The following PLCH1 variants were observed in gnomAD, a reference collection of about 807,000 sequenced individuals.
PLCH1 encodes phospholipase C eta 1.
PLCH1 carries 60 observed loss-of-function variants against 126.7 expected under a neutral mutation model. The ratio of observed to expected loss-of-function variants is 0.47; its 90% CI spans 0.38 to 0.59. The LOEUF is 0.59. PLCH1 is among the 20% of genes least tolerant of loss of function. The probability of loss-of-function intolerance (pLI) is 0.00; values close to 1 mark genes in which losing one functional copy is unlikely to be tolerated. For missense variants in PLCH1, 1,723 were observed against 2,040.0 expected, an observed-to-expected ratio of 0.84 and a Z score of 2.99; for synonymous variants, 719 against 734.9, an observed-to-expected ratio of 0.98 and a Z score of 0.35.
chr3:155,490,913 T>G (rs1716080149), intron 18 of PLCH1, 45 bp from the exon 19 acceptor site: 6 of 1,027,654 alleles, frequency 5.8e-6, no homozygotes, highest in Non-Finnish European at 9.1e-6. Context: ...CATATTTCTA[T>G]ACATATGTTA....
intron 2 of PLCH1, among the ~76,000 whole-genome samples, chr3:155,645,075 G>T (rs1739865956): frequency 6.6e-6 from 1 of 152,096 alleles, no homozygotes; most frequent in Non-Finnish European, 1.5e-5. Context: ...GGAATATTGA[G>T]GTATTTCCCC....
At chr3:155,536,956 A>G (rs687462) in intron 10 of PLCH1, among the ~76,000 whole-genome samples, 123,835 of 152,030 alleles carry the variant, frequency 0.81, 52,173 homozygotes, top group Middle Eastern at 0.95. Flanking sequence ...AGAAAAACCT[A>G]TAAGATTAAA....
At chr3:155,486,150 T>C (rs1715047655) in intron 21 of PLCH1, 14 of 1,539,044 alleles carry the variant, frequency 9.1e-6, no homozygotes, top group Non-Finnish European at 1.2e-5. Context: ...AAACTACCTT[T>C]GTAGCTCCTA....
At chr3:155,553,314 G>A (rs774471843) in intron 9 of PLCH1, among the ~76,000 whole-genome samples, 13 of 151,776 alleles carry the variant, frequency 8.6e-5, no homozygotes, top group Admixed American at 1.3e-4. Flanking sequence ...ACAGGGCTTC[G>A]CCATGTTGAC....
rs752400094 is a variant in PLCH1, at chr3:155,523,879, G to A, written c.1470+18C>T. 4 of 1,408,960 alleles carry A rather than the reference G, an allele frequency of 2.8e-6. No homozygotes were observed. The highest frequency in any genetic ancestry group is 4.0e-6 in the Non-Finnish European group (4 of 1,003,564). 87.3% of individuals were successfully genotyped at this position (1,408,960 alleles called of 1,614,324 possible). On this transcript the variant is annotated intron_variant, in intron 11 of 22. Coordinates refer to ENST00000460012, the MANE Select transcript of PLCH1 (RefSeq NM_014996.4). ...CAGCATATCAAGGATAAAAAATATG[G>A]TCATGCCTGCAACTTACATAATGGA...
At chr3:155,669,455 G>C (rs1055573636) in intron 2 of PLCH1, among the ~76,000 whole-genome samples, 1 of 152,106 alleles carries the variant, frequency 6.6e-6, no homozygotes. Flanking sequence ...GCATGCACCT[G>C]TAGTCCCAGC....
chr3:155,492,750 G>C lies in PLCH1; in HGVS notation c.2286C>G (p.Ser762=). 6.3e-7 allele frequency: 1 copy of C among 1,590,666 alleles called. No homozygotes were observed. Among genetic ancestry groups the C allele is most frequent in the Non-Finnish European group, 8.5e-7 (1 of 1,170,212 alleles). Residue 762 remains serine (S), a synonymous_variant, in exon 18 of 23, where the codon TCC becomes TCG. Coordinates refer to ENST00000460012, the MANE Select transcript of PLCH1 (RefSeq NM_014996.4). ...TTACCTCGCCTCGATCTCCAAACATGGAGTCTGGAGGTTTGGGGAGTTGCT... is the reference window on the plus strand; with the variant it reads ...TTACCTCGCCTCGATCTCCAAACATCGAGTCTGGAGGTTTGGGGAGTTGCT... ...SGQQLPKPPD[S]MFGDRGEIID...
downstream of PLCH1, among the ~76,000 whole-genome samples, chr3:155,475,694 A>C (rs938977464): frequency 2.0e-5 from 3 of 152,176 alleles, no homozygotes; most frequent in African/African-American, 7.2e-5. Context: ...ACTACATGCC[A>C]ATAAATTGGA....
rs915084215 is a variant in PLCH1, at chr3:155,493,187, A to T, written c.2183-334T>A. On this transcript the variant is annotated intron_variant, in intron 17 of 22. Coordinates refer to ENST00000460012, the MANE Select transcript of PLCH1 (RefSeq NM_014996.4). The stretch of plus-strand genomic sequence containing the variant: ...CCTAAACTATCTCAGGCATGAGTGA[A>T]TATAACAAACAGAAAGAAGACTTGA... Among the ~76,000 whole-genome samples, 4 of 152,368 alleles carry T rather than the reference A, an allele frequency of 2.6e-5. No individual in the cohort carries two copies. The South Asian group carries it at 8.3e-4, about 32-fold the overall frequency.
intron 22 of PLCH1, 108 bp from the exon 23 acceptor site, chr3:155,483,159 C>T: frequency 1.9e-6 from 2 of 1,063,346 alleles, no homozygotes; most frequent in Middle Eastern, 3.2e-4. Flanking sequence ...ATCTGTTACA[C>T]TGTGACAGAA....
At chr3:155,628,549 CTTT>C (rs56820929) in intron 2 of PLCH1, among the ~76,000 whole-genome samples, 25,430 of 143,348 alleles carry the variant, frequency 0.18, 2,566 homozygotes, top group African/African-American at 0.28. Context: ...CTTCACCTCT[CTTT>C]TTTTTTTTTT....
At chr3:155,726,150 A>G (rs1486428247) in intron 1 of PLCH1, among the ~76,000 whole-genome samples, 1 of 152,196 alleles carries the variant, frequency 6.6e-6, no homozygotes, top group East Asian at 1.9e-4. Context: ...TACCTTATAT[A>G]GTCAATACGT....
intron 2 of PLCH1, among the ~76,000 whole-genome samples, chr3:155,634,690 G>A (rs1046300769): frequency 2.0e-5 from 3 of 152,168 alleles, no homozygotes; most frequent in African/African-American, 7.2e-5. Context: ...GGCCCAGGAG[G>A]CATGAGAAAG....
chr3:155,491,306 C>T (rs1458989343), intron 18 of PLCH1, among the ~76,000 whole-genome samples: 1 of 152,150 alleles, frequency 6.6e-6, no homozygotes, highest in Non-Finnish European at 1.5e-5. Context: ...CTCTGTAGCT[C>T]AGGTCGGAGT....
At chr3:155,708,769 C>G (rs973682813) in intron 1 of PLCH1, among the ~76,000 whole-genome samples, 4 of 152,064 alleles carry the variant, frequency 2.6e-5, no homozygotes, top group Non-Finnish European at 4.4e-5. Context: ...AATATTCCAC[C>G]TCCTAAGAGG....
chr3:155,638,756 C>T (rs908203781), intron 2 of PLCH1, among the ~76,000 whole-genome samples: 3 of 152,310 alleles, frequency 2.0e-5, no homozygotes, highest in East Asian at 3.9e-4. Flanking sequence ...TGCAACATTG[C>T]TGTTAGATTT....
intron 1 of PLCH1, among the ~76,000 whole-genome samples, chr3:155,718,431 C>T (rs1261676492): frequency 2.6e-5 from 4 of 152,162 alleles, no homozygotes; most frequent in Non-Finnish European, 5.9e-5. Flanking sequence ...ACTCTCAGAA[C>T]CAATTTTCTG....
At chr3:155,728,248 A>T (rs1450822578) in intron 1 of PLCH1, among the ~76,000 whole-genome samples, 2 of 152,162 alleles carry the variant, frequency 1.3e-5, no homozygotes, top group Non-Finnish European at 2.9e-5. Flanking sequence ...GGTAATTCAT[A>T]TTCAGAGCCA....
At chr3:155,615,449 A>T (rs182559519) in intron 2 of PLCH1, among the ~76,000 whole-genome samples, 8 of 152,304 alleles carry the variant, frequency 5.3e-5, no homozygotes, top group South Asian at 2.1e-4. Flanking sequence ...TACCCAGAGA[A>T]ATAGAAGTCA....
Sources: gnomAD v4.1 joint callset for allele counts (sites outside exome capture counted in the v4.1 genomes callset) on GRCh38, gnomAD v4.1.1 for gene constraint, MANE v1.5 for transcripts, NCBI Gene and HGNC (gene_info 2026-07-23, HGNC 2026-07-21) for gene names.